The following ZYG11B variants were observed in gnomAD, a reference collection of about 807,000 sequenced individuals.
ZYG11B encodes protein zyg-11 homolog B.
In ZYG11B, 36 loss-of-function variants were observed where a neutral mutation model predicts 82.4. The observed-to-expected ratio is 0.44, with a 90% confidence interval of 0.33 to 0.58. ZYG11B has a LOEUF of 0.58. Among genes scored for constraint, ZYG11B ranks in the 20% least tolerant of loss-of-function variants. ZYG11B has a pLI of 0.02. For missense variants in ZYG11B, 552 were observed against 895.6 expected (o/e 0.62, Z 4.90); for synonymous variants, 303 against 312.8 (o/e 0.97, Z 0.33).
At chr1:52,758,145 G>A (rs1644595703) in intron 2 of ZYG11B, among the ~76,000 whole-genome samples, 2 of 147,620 alleles carry the variant, frequency 1.4e-5, no homozygotes, top group East Asian at 4.0e-4. Flanking sequence ...GTTGCAGTGA[G>A]TCGAGATTGT....
intron 1 of ZYG11B, among the ~76,000 whole-genome samples, chr1:52,733,056 AG>A (rs1644347435): frequency 6.6e-6 from 1 of 152,234 alleles, no homozygotes; most frequent in African/African-American, 2.4e-5. Context: ...TTGTATACAA[AG>A]ACAGAATTAT....
intron 13 of ZYG11B, among the ~76,000 whole-genome samples, chr1:52,817,816 T>TATATATATATATATA (rs1160186535): frequency 3.7e-4 from 3 of 8,124 alleles, no homozygotes; most frequent in African/African-American, 5.6e-4. Flanking sequence ...TATATATATA[T>TATATATATATATATA]TTTTTTTTTT....
At chr1:52,797,385 CAT>C (rs1472099191) in intron 8 of ZYG11B, among the ~76,000 whole-genome samples, 3 of 54,020 alleles carry the variant, frequency 5.6e-5, no homozygotes, top group East Asian at 5.9e-4. Context: ...ATATATAATA[CAT>C]ATATATCATA....
chr1:52,758,467 C>G (rs753268292), intron 2 of ZYG11B, among the ~76,000 whole-genome samples: 5 of 152,032 alleles, frequency 3.3e-5, no homozygotes, highest in African/African-American at 7.2e-5. Context: ...GGTCATACTG[C>G]AAGTAAATAG....
chr1:52,755,087 A>T (rs1272334791), intron 1 of ZYG11B, among the ~76,000 whole-genome samples: 2 of 151,318 alleles, frequency 1.3e-5, no homozygotes, highest in Non-Finnish European at 2.9e-5. Context: ...CAGCCACCGG[A>T]GTAGCTGGGA....
At chr1:52,783,838 A>ACATACACGTGTGTGTG (rs1444208497) in intron 4 of ZYG11B, among the ~76,000 whole-genome samples, 1 of 101,764 alleles carries the variant, frequency 9.8e-6, no homozygotes, top group Admixed American at 1.1e-4. Flanking sequence ...ATACGTGTGT[A>ACATACACGTGTGTGTG]TATGTACATA....
intron 13 of ZYG11B, among the ~76,000 whole-genome samples, chr1:52,819,664 G>A (rs1201166409): frequency 1.3e-5 from 2 of 151,500 alleles, no homozygotes; most frequent in Non-Finnish European, 2.9e-5. Flanking sequence ...GCACACATCT[G>A]TACTCTCAGC....
chr1:52,793,868 TTTCCTTCCTTCC>T (rs751920808), intron 6 of ZYG11B, among the ~76,000 whole-genome samples: 43 of 95,494 alleles, frequency 4.5e-4, no homozygotes, highest in Admixed American at 1.2e-3. Flanking sequence ...CTTTTCTTTC[TTTCCTTCCTTCC>T]TTCCTTCCTT....
At chr1:52,811,495 A>T (rs528580327) in intron 10 of ZYG11B, among the ~76,000 whole-genome samples, 56 of 152,262 alleles carry the variant, frequency 3.7e-4, no homozygotes, top group African/African-American at 1.3e-3. Context: ...GAATAGAGAC[A>T]GGGTCTCCCT....
At position 52,774,521 on chromosome 1, in the gene ZYG11B, T is replaced by G. The variant is rs550457282; in HGVS notation, c.951+2747T>G. On this transcript the variant is annotated intron_variant, in intron 3 of 13. Transcript: ENST00000294353. ...TGGGGTTTTACCATGTTAGCCAGGCTAGTCTTGAACTCCTGACCCAGGTGA... is the reference window on the plus strand; with the variant it reads ...TGGGGTTTTACCATGTTAGCCAGGCGAGTCTTGAACTCCTGACCCAGGTGA... Among the ~76,000 whole-genome samples, 11 of 151,054 alleles carry G rather than the reference T, an allele frequency of 7.3e-5. 1 individual carries two copies. The South Asian group carries it at 2.3e-3, about 32-fold the overall frequency.
intron 10 of ZYG11B, 124 bp downstream of exon 10, chr1:52,802,263 C>A: frequency 1.3e-6 from 1 of 774,676 alleles, no homozygotes; most frequent in East Asian, 2.7e-5. Flanking sequence ...ACGGTCATTG[C>A]TAATTGAGAA....
In ZYG11B at chr1:52,823,180, G is replaced by A. The variant is rs1645295515; in HGVS notation, c.*1551G>A. On this transcript the variant is annotated 3_prime_UTR_variant, in exon 14 of 14. Transcript: ENST00000294353. ...AGAAAGTAGGCATTTAGGTCTGGAT[G>A]CAGTGGCTCATGCTTGTAATCCCAG... The A allele has an allele frequency of 6.6e-6, 1 of 152,078 alleles. No homozygotes were observed. The highest frequency in any genetic ancestry group is 1.5e-5 in the Non-Finnish European group (1 of 68,036). 9.4% of individuals were successfully genotyped at this position (152,078 alleles called of 1,614,324 possible).
chr1:52,796,933 T>TA (rs1558137223), intron 8 of ZYG11B, 149 bp downstream of exon 8: 4 of 102,740 alleles, frequency 3.9e-5, no homozygotes, highest in African/African-American at 1.6e-4. Context: ...TATAATTATA[T>TA]ATTATATATA....
At chr1:52,797,219 ATATATAT>A (rs1645026936) in intron 8 of ZYG11B, among the ~76,000 whole-genome samples, 1 of 82,328 alleles carries the variant, frequency 1.2e-5, no homozygotes, top group African/African-American at 5.1e-5. Context: ...TAATATATAA[ATATATAT>A]TATATAATAT....
At chr1:52,796,164 T>C (rs1047676944) in intron 6 of ZYG11B, 128 bp from the exon 7 acceptor site, 25 of 612,480 alleles carry the variant, frequency 4.1e-5, no homozygotes, top group Non-Finnish European at 7.1e-5. Flanking sequence ...TGTTACTCTC[T>C]ACCAGTTAAG....
At chr1:52,803,223 TACAC>T (rs566197904) in intron 10 of ZYG11B, among the ~76,000 whole-genome samples, 872 of 71,884 alleles carry the variant, frequency 0.012, 37 homozygotes, top group Non-Finnish European at 0.014. Flanking sequence ...TATATATATA[TACAC>T]ACATATATAT....
chr1:52,781,706 G>C (rs1211206673), intron 4 of ZYG11B, among the ~76,000 whole-genome samples: 1 of 152,106 alleles, frequency 6.6e-6, no homozygotes, highest in Non-Finnish European at 1.5e-5. Flanking sequence ...CCAAGAGATG[G>C]GTTTTATCTT....
chr1:52,750,937 A>G (rs769407878), intron 1 of ZYG11B, among the ~76,000 whole-genome samples: 1 of 152,132 alleles, frequency 6.6e-6, no homozygotes, highest in South Asian at 2.1e-4. Flanking sequence ...TGTACAGTAC[A>G]TCAGCATTCC....
At chr1:52,803,148 A>T (rs916447599) in intron 10 of ZYG11B, among the ~76,000 whole-genome samples, 1 of 71,562 alleles carries the variant, frequency 1.4e-5, no homozygotes, top group African/African-American at 7.9e-5. Context: ...ACATATATAT[A>T]TATATACACA....
Sources: gnomAD v4.1 joint callset for allele counts (sites outside exome capture counted in the v4.1 genomes callset) on GRCh38, gnomAD v4.1.1 for gene constraint, MANE v1.5 for transcripts, NCBI Gene and HGNC (gene_info 2026-07-23, HGNC 2026-07-21) for gene names.